The following PTK2B variants were observed in gnomAD, a reference collection of about 807,000 sequenced individuals.
PTK2B encodes the protein protein tyrosine kinase 2 beta, also known as protein-tyrosine kinase 2-beta.
PTK2B carries 71 observed loss-of-function variants against 142.9 expected under a neutral mutation model. That is an observed-to-expected ratio of 0.50 (90% confidence interval 0.41 to 0.61). PTK2B has a LOEUF of 0.61. Among genes scored for constraint, PTK2B ranks in the 20% least tolerant of loss-of-function variants. The pLI, the probability that PTK2B is intolerant of heterozygous loss-of-function variation, is 0.00. For missense variants in PTK2B, 1,105 were observed against 1,320.4 expected, an observed-to-expected ratio of 0.84 and a Z score of 2.53; for synonymous variants, 519 against 503.4, an observed-to-expected ratio of 1.03 and a Z score of -0.42.
At chr8:27,327,978 T>C (rs1803520178) in intron 1 of PTK2B, among the ~76,000 whole-genome samples, 1 of 152,238 alleles carries the variant, frequency 6.6e-6, no homozygotes, top group African/African-American at 2.4e-5. Context: ...GTTCATTTAC[T>C]TCCACAAGTG....
chr8:27,439,379 C>T lies in PTK2B; in HGVS notation c.1815C>T (p.Ala605=), dbSNP rs1233882843. ...ESINFRRFTT[A]SDVWMFAVCM... ...TTAACTTCCGACGCTTCACGACAGC[C>T]AGTGACGTCTGGATGTTCGGTGAGT... The change falls in exon 20 of 31, where the codon GCC becomes GCT. Residue 605 remains alanine, a synonymous_variant. Coordinates refer to ENST00000346049, the MANE Select transcript of PTK2B (RefSeq NM_173176.3). The T allele has an allele frequency of 1.9e-6, 3 of 1,613,760 alleles. No individual in the cohort carries two copies. Among genetic ancestry groups the T allele is most frequent in the Non-Finnish European group, 2.5e-6 (3 of 1,179,674 alleles).
chr8:27,411,705 C>T (rs551484188), intron 2 of PTK2B, among the ~76,000 whole-genome samples: 20 of 152,304 alleles, frequency 1.3e-4, no homozygotes, highest in African/African-American at 4.8e-4. Flanking sequence ...GTTTCCCCCA[C>T]CTTCTGTGTG....
upstream of PTK2B, chr8:27,322,689 A>G (rs537126692): frequency 1.3e-5 from 2 of 152,356 alleles, no homozygotes; most frequent in East Asian, 3.9e-4. Context: ...AAGCTCAGAA[A>G]GATGGATTCG....
chr8:27,326,014 A>T (rs1803390131), intron 1 of PTK2B, among the ~76,000 whole-genome samples: 1 of 152,030 alleles, frequency 6.6e-6, no homozygotes. Flanking sequence ...TGCTGCCTCT[A>T]AAGCTCAGGT....
chr8:27,353,543 A>G (rs1226839177), intron 1 of PTK2B, among the ~76,000 whole-genome samples: 3 of 140,848 alleles, frequency 2.1e-5, no homozygotes, highest in African/African-American at 7.5e-5. Flanking sequence ...TCACTCATGC[A>G]TGCTCGCTCT....
chr8:27,393,638 A>T (rs918851122), intron 1 of PTK2B, among the ~76,000 whole-genome samples: 38 of 152,306 alleles, frequency 2.5e-4, no homozygotes, highest in African/African-American at 8.9e-4. Context: ...GACAACTATC[A>T]GGGTGTGGTT....
At chr8:27,385,131 G>A (rs1341284851) in intron 1 of PTK2B, among the ~76,000 whole-genome samples, 1 of 147,540 alleles carries the variant, frequency 6.8e-6, no homozygotes, top group Non-Finnish European at 1.5e-5. Context: ...CCATGGGACA[G>A]GGGGTAATGG....
Position 27,450,886 on chromosome 8 carries a change from G to A in PTK2B, c.2478G>A (p.Glu826=). The change falls in exon 25 of 31, where the codon GAG becomes GAA. Residue 826 remains glutamate (E), a synonymous_variant. Coordinates refer to ENST00000346049, the MANE Select transcript of PTK2B (RefSeq NM_173176.3). ...VEDYQWLRQE[E]KSLDPMVYMN... is the part of the protein sequence containing the mutation. Reference sequence around the variant, plus strand: ...ACTACCAGTGGCTCAGGCAGGAGGAGAAGTCCCTGGTGAGCACCCCAGGAA... The same window carrying A: ...ACTACCAGTGGCTCAGGCAGGAGGAAAAGTCCCTGGTGAGCACCCCAGGAA... 1 of 1,614,216 alleles carries A rather than the reference G, an allele frequency of 6.2e-7. No individual in the cohort carries two copies. Among genetic ancestry groups the A allele is most frequent in the South Asian group, 1.1e-5 (1 of 91,084 alleles).
At chr8:27,329,408 C>G (rs1262244193) in intron 1 of PTK2B, among the ~76,000 whole-genome samples, 1 of 152,046 alleles carries the variant, frequency 6.6e-6, no homozygotes, top group Non-Finnish European at 1.5e-5. Context: ...CTCCATGTAC[C>G]CCAAATACTG....
chr8:27,391,398 G>A (rs1225452355), intron 1 of PTK2B, among the ~76,000 whole-genome samples: 1 of 152,158 alleles, frequency 6.6e-6, no homozygotes, highest in Non-Finnish European at 1.5e-5. Context: ...CACCCAGCCA[G>A]GAACAGAACT....
Position 27,440,295 on chromosome 8 carries a change from C to T in PTK2B, c.1893C>T (p.Asn631=), listed in dbSNP as rs1811077453. 1 of 1,614,184 alleles carries T rather than the reference C, an allele frequency of 6.2e-7. No homozygotes were observed. The highest frequency in any genetic ancestry group is 8.5e-7 in the Non-Finnish European group (1 of 1,180,028). The stretch of plus-strand genomic sequence containing the variant: ...AGCAGCCCTTCTTCTGGCTGGAGAA[C>T]AAGGATGTCATCGGGGTGCTGGAGA... ...FGKQPFFWLE[N]KDVIGVLEKG... The change falls in exon 21 of 31, where the codon AAC becomes AAT. Residue 631 remains asparagine, a synonymous_variant. Coordinates refer to ENST00000346049, the MANE Select transcript of PTK2B (RefSeq NM_173176.3).
intron 1 of PTK2B, among the ~76,000 whole-genome samples, chr8:27,352,216 T>C (rs553894777): frequency 4.9e-4 from 75 of 152,342 alleles, no homozygotes; most frequent in African/African-American, 1.7e-3. Context: ...TGGCTCCCCA[T>C]CACCCCATTA....
intron 11 of PTK2B, among the ~76,000 whole-genome samples, 189 bp from the exon 12 acceptor site, chr8:27,433,904 G>C (rs1466868091): frequency 6.6e-6 from 1 of 152,222 alleles, no homozygotes; most frequent in Admixed American, 6.5e-5. Context: ...CGTGAAATCT[G>C]GCCTGAGGCA....
chr8:27,435,473 A>C (rs1810713042), intron 13 of PTK2B, among the ~76,000 whole-genome samples: 1 of 152,248 alleles, frequency 6.6e-6, no homozygotes, highest in Non-Finnish European at 1.5e-5. Flanking sequence ...CCCAATACTC[A>C]TTTCATAAAA....
intron 24 of PTK2B, among the ~76,000 whole-genome samples, chr8:27,449,819 A>G (rs28394608): frequency 0.19 from 28,469 of 152,204 alleles, 2,708 homozygotes; most frequent in Middle Eastern, 0.23. Context: ...ACTAGCAGCT[A>G]AAATTATGAA....
intron 30 of PTK2B, 97 bp from the exon 31 acceptor site, chr8:27,458,197 C>T: frequency 8.0e-7 from 1 of 1,253,568 alleles, no homozygotes; most frequent in Non-Finnish European, 1.1e-6. Flanking sequence ...CTTCTGATTG[C>T]TTTGGCCAGC....
At chr8:27,443,024 C>T in intron 22 of PTK2B, 41 bp downstream of exon 22, 1 of 1,511,892 alleles carries the variant, frequency 6.6e-7, no homozygotes, top group Non-Finnish European at 9.2e-7. Context: ...TGAGTCAAAG[C>T]AAAGCCAGGT....
rs1809655411 is a variant in PTK2B, at chr8:27,420,129, A to C, written c.383+56A>C. On this transcript the variant is annotated intron_variant, in intron 3 of 30. Coordinates refer to ENST00000346049, the MANE Select transcript of PTK2B (RefSeq NM_173176.3). ...GGAAGGAGAGGAATTTAGGGTGGGG[A>C]GGCCCTGGGAGTTTCTCCCTTAGAG... 5 of 1,595,122 alleles carry C rather than the reference A, an allele frequency of 3.1e-6. No individual in the cohort carries two copies. The South Asian group carries it at 5.7e-5, about 18-fold the overall frequency.
intron 9 of PTK2B, among the ~76,000 whole-genome samples, chr8:27,431,704 G>A (rs1380292023): frequency 1.3e-5 from 2 of 152,250 alleles, no homozygotes; most frequent in East Asian, 1.9e-4. Flanking sequence ...GGTGGTGGGA[G>A]GGGGAGACAA....
Sources: gnomAD v4.1 joint callset for allele counts (sites outside exome capture counted in the v4.1 genomes callset) on GRCh38, gnomAD v4.1.1 for gene constraint, MANE v1.5 for transcripts, NCBI Gene and HGNC (gene_info 2026-07-23, HGNC 2026-07-21) for gene names.